The following KIF3B variants were observed in gnomAD, a reference collection of about 807,000 sequenced individuals.
KIF3B encodes kinesin family member 3B.
KIF3B carries 38 observed loss-of-function variants against 74.3 expected under a neutral mutation model. That is an observed-to-expected ratio of 0.51 (90% CI 0.39 to 0.67). The LOEUF is 0.67. KIF3B is among the 30% of genes least tolerant of loss of function. KIF3B has a pLI of 0.00. For missense variants in KIF3B, 649 were observed against 932.0 expected (o/e 0.70, Z 3.95); for synonymous variants, 326 against 342.5 (o/e 0.95, Z 0.53).
At position 32,333,751 on chromosome 20, in the gene KIF3B, CAT is replaced by C. The variant is rs1157642646; in HGVS notation, c.*2434_*2435del. The C allele has an allele frequency of 6.6e-6, 1 of 150,422 alleles. No homozygotes were observed. Among genetic ancestry groups the C allele is most frequent in the African/African-American group, 2.5e-5 (1 of 40,756 alleles). The allele number at this position is 150,422 out of a possible 1,614,324, so 9.3% of individuals were successfully genotyped here. On this transcript the variant is annotated 3_prime_UTR_variant, in exon 9 of 9. Transcript: ENST00000375712. The stretch of plus-strand genomic sequence containing the variant: ...TCTGACCAAGGGTGGTTAAGTGACA[CAT>C]AGAACTTTTCTAAGAGAAGACAGAC...
chr20:32,296,329 A>G (rs370069943), intron 1 of KIF3B, among the ~76,000 whole-genome samples: 3 of 151,996 alleles, frequency 2.0e-5, no homozygotes, highest in East Asian at 3.9e-4. Context: ...ATGATTCAAA[A>G]CTCAAGAGAT....
intron 5 of KIF3B, among the ~76,000 whole-genome samples, chr20:32,321,599 C>T (rs1053600690): frequency 2.0e-5 from 3 of 152,024 alleles, no homozygotes; most frequent in African/African-American, 7.2e-5. Context: ...GTCCTCCAGC[C>T]TTGTTCTTTT....
chr20:32,302,504 C>T (rs1374124217), intron 1 of KIF3B, among the ~76,000 whole-genome samples: 1 of 137,518 alleles, frequency 7.3e-6, no homozygotes, highest in Admixed American at 7.5e-5. Context: ...GGTCAGCTTG[C>T]TGCAGGCTTT....
chr20:32,282,445 A>G (rs750717115), intron 1 of KIF3B, among the ~76,000 whole-genome samples: 5 of 152,206 alleles, frequency 3.3e-5, no homozygotes, highest in Non-Finnish European at 7.3e-5. Context: ...GGCACAAGGT[A>G]TAAGCATCAT....
At position 32,326,667 on chromosome 20, in the gene KIF3B, T is replaced by C. The variant is rs2047905049; in HGVS notation, c.1749-104T>C. ...GTACTTGCTGAGTAAATGTTTGCTA[T>C]GTGCCTTGACTCTTACCTGATTACT... On this transcript the variant is annotated intron_variant, in intron 5 of 8. Coordinates refer to ENST00000375712, the MANE Select transcript of KIF3B (RefSeq NM_004798.4). The C allele has an allele frequency of 9.3e-6, 6 of 647,372 alleles. No individual in the cohort carries two copies. The East Asian group carries it at 1.5e-4, about 17-fold the overall frequency. 40.1% of individuals were successfully genotyped at this position (647,372 alleles called of 1,614,324 possible).
At chr20:32,280,402 G>A (rs144114383) in intron 1 of KIF3B, among the ~76,000 whole-genome samples, 108 of 152,124 alleles carry the variant, frequency 7.1e-4, no homozygotes, top group Middle Eastern at 3.4e-3. Flanking sequence ...GTAATCATGT[G>A]CCACAATGGG....
At chr20:32,292,444 T>C (rs1465742066) in intron 1 of KIF3B, among the ~76,000 whole-genome samples, 1 of 151,464 alleles carries the variant, frequency 6.6e-6, no homozygotes, top group Non-Finnish European at 1.5e-5. Flanking sequence ...CTACAAACAA[T>C]TTTAAAAATT....
At chr20:32,296,276 C>T (rs1367118524) in intron 1 of KIF3B, among the ~76,000 whole-genome samples, 1 of 152,090 alleles carries the variant, frequency 6.6e-6, no homozygotes, top group Non-Finnish European at 1.5e-5. Flanking sequence ...ATCTCTCTTT[C>T]CCCTTGATTT....
rs143778498 is a variant in KIF3B at position 32,292,567 on chromosome 20, G to A, written c.-66+14802G>A. On this transcript the variant is annotated intron_variant, in intron 1 of 8. Transcript: ENST00000375712. ...AGCCTGGCCAACACGGTGAAACCTC[G>A]TCTCTACTAAAAATAGAAAAAAAAA... Among the ~76,000 whole-genome samples, 66 of 129,424 alleles carry A rather than the reference G, an allele frequency of 5.1e-4. 1 individual carries two copies. In the East Asian group the frequency reaches 0.015, roughly 29 times the overall value. 84.9% of individuals were successfully genotyped at this position (129,424 alleles called of 152,430 possible).
intron 5 of KIF3B, among the ~76,000 whole-genome samples, chr20:32,319,906 T>G (rs1377110088): frequency 6.7e-6 from 1 of 149,706 alleles, no homozygotes; most frequent in Non-Finnish European, 1.5e-5. Context: ...TTTTAAGAGT[T>G]TTTTTTGAGA....
chr20:32,327,309 G>A (rs928361892), intron 6 of KIF3B, among the ~76,000 whole-genome samples: 5 of 152,136 alleles, frequency 3.3e-5, no homozygotes, highest in African/African-American at 7.2e-5. Context: ...GAGGTGGGGG[G>A]TGTTGACAGC....
intron 1 of KIF3B, among the ~76,000 whole-genome samples, chr20:32,306,398 GA>G (rs879899018): frequency 1.8e-4 from 27 of 148,346 alleles, no homozygotes; most frequent in South Asian, 2.1e-4. Flanking sequence ...CCGTCTCAAA[GA>G]AAAAAAAAAT....
chr20:32,320,527 T>G (rs2047855185), intron 5 of KIF3B, among the ~76,000 whole-genome samples: 1 of 151,280 alleles, frequency 6.6e-6, no homozygotes, highest in South Asian at 2.1e-4. Flanking sequence ...TTAGTTTTTT[T>G]TTTTTTTTAG....
intron 1 of KIF3B, among the ~76,000 whole-genome samples, chr20:32,300,316 C>T (rs1569195149): frequency 1.3e-5 from 2 of 151,706 alleles, no homozygotes; most frequent in South Asian, 2.1e-4. Context: ...CTCTCTCTGT[C>T]GCCCGGGCTG....
chr20:32,317,446 G>A (rs1209136612), intron 5 of KIF3B, among the ~76,000 whole-genome samples: 1 of 152,082 alleles, frequency 6.6e-6, no homozygotes, highest in Non-Finnish European at 1.5e-5. Context: ...TGATAAGAGG[G>A]AATATTTTAT....
chr20:32,322,148 T>A (rs4911217), intron 5 of KIF3B, among the ~76,000 whole-genome samples: 52,325 of 151,968 alleles, frequency 0.34, 10,290 homozygotes, highest in East Asian at 0.74. Context: ...GAACATGAGA[T>A]GTCTTTCCAT....
rs141970615 is a variant in KIF3B at position 32,317,720 on chromosome 20, C to T, written c.1748+846C>T. On this transcript the variant is annotated intron_variant, in intron 5 of 8. Coordinates refer to ENST00000375712, the MANE Select transcript of KIF3B (RefSeq NM_004798.4). ...TGGCACAATCACAGTTCACAGCAGC[C>T]TGTAACTTGTGGGCTCAAACAGTCC... Among the ~76,000 whole-genome samples the T allele has an allele frequency of 9.5e-3, 1,440 of 151,958 alleles. 13 individuals carry two copies. Among genetic ancestry groups the T allele is most frequent in the African/African-American group, 0.023 (940 of 41,424 alleles).
At chr20:32,299,403 ATTT>A (rs11473044) in intron 1 of KIF3B, among the ~76,000 whole-genome samples, 5 of 9,020 alleles carry the variant, frequency 5.5e-4, no homozygotes, top group Admixed American at 5.0e-3. Context: ...ATATATATAT[ATTT>A]TTTTTTTTTT....
chr20:32,311,270 G>GACATCATCCCTCAT, intron 2 of KIF3B, 89 bp downstream of exon 2: 2 of 1,373,692 alleles, frequency 1.5e-6, no homozygotes, highest in Non-Finnish European at 1.9e-6. Flanking sequence ...CCATATGAGG[G>GACATCATCCCTCAT]ATGATGTCTC....
Sources: allele counts gnomAD v4.1 joint callset (sites outside exome capture counted in the v4.1 genomes callset), GRCh38; gene constraint gnomAD v4.1.1; transcripts MANE v1.5; gene names NCBI Gene and HGNC (gene_info 2026-07-23, HGNC 2026-07-21).